The following CDR2 variants were observed in gnomAD, a reference collection of about 807,000 sequenced individuals.
The protein encoded by CDR2 is cerebellar degeneration related protein 2.
In CDR2, 34 loss-of-function variants were observed where a neutral mutation model predicts 48.4. That is an observed-to-expected ratio of 0.70 (90% CI 0.53 to 0.94). CDR2 has a LOEUF of 0.94. CDR2 is among the 40% of genes least tolerant of loss of function. CDR2 has a pLI of 0.00. For missense variants in CDR2, 498 were observed against 549.5 expected (o/e 0.91, Z 0.94); for synonymous variants, 240 against 219.7 (o/e 1.09, Z -0.82).
intron 2 of CDR2, among the ~76,000 whole-genome samples, chr16:22,351,624 T>C (rs532778024): frequency 1.3e-5 from 2 of 152,356 alleles, no homozygotes; most frequent in Admixed American, 1.3e-4. Flanking sequence ...TTAATATGCT[T>C]CAAAGACTCC....
chr16:22,360,572 C>T (rs972419262), intron 2 of CDR2, among the ~76,000 whole-genome samples: 1 of 151,932 alleles, frequency 6.6e-6, no homozygotes, highest in African/African-American at 2.4e-5. Context: ...TCTTAGGGAT[C>T]TTGTCCTAGT....
rs1163118540 is a variant in CDR2, at chr16:22,355,416, A to G, written c.193-5567T>C. On this transcript the variant is annotated intron_variant, in intron 2 of 4. Coordinates refer to ENST00000268383, the MANE Select transcript of CDR2 (RefSeq NM_001802.2). ...AGTTCTTAGCCTGGGGTCCATGGAT[A>G]GACTTTAGAGGGTCTGTGAACATGG... is the stretch of plus-strand genomic sequence containing the variant. 2.0e-5 allele frequency among the ~76,000 whole-genome samples: 3 copies of G among 152,246 alleles called. No homozygotes were observed. In the East Asian group the frequency reaches 5.8e-4, roughly 29 times the overall value.
At chr16:22,370,233 TTC>T (rs757032764) in intron 1 of CDR2, among the ~76,000 whole-genome samples, 13 of 152,226 alleles carry the variant, frequency 8.5e-5, no homozygotes, top group Non-Finnish European at 1.5e-4. Context: ...TTAGTGATGC[TTC>T]TGTTTAACTC....
chr16:22,372,751 G>GT (rs776740348), intron 1 of CDR2, among the ~76,000 whole-genome samples: 8 of 152,194 alleles, frequency 5.3e-5, no homozygotes, highest in Non-Finnish European at 1.2e-4. Flanking sequence ...CTCTGTAAGT[G>GT]TAATAAAGGT....
At chr16:22,351,753 G>A (rs1171721175) in intron 2 of CDR2, among the ~76,000 whole-genome samples, 2 of 152,086 alleles carry the variant, frequency 1.3e-5, no homozygotes, top group Non-Finnish European at 2.9e-5. Context: ...AGGATAAAGG[G>A]GAATAATCCC....
intron 2 of CDR2, among the ~76,000 whole-genome samples, chr16:22,353,540 C>T (rs1192577093): frequency 6.6e-6 from 1 of 152,170 alleles, no homozygotes; most frequent in African/African-American, 2.4e-5. Flanking sequence ...CTGCCTCCTC[C>T]CTCTCTACCA....
intron 2 of CDR2, among the ~76,000 whole-genome samples, chr16:22,363,045 C>T (rs1237125050): frequency 6.6e-6 from 1 of 151,816 alleles, no homozygotes; most frequent in Admixed American, 6.6e-5. Context: ...CTTCACCTCC[C>T]GGGTTCAAGT....
At chr16:22,371,185 T>C (rs1441955779) in intron 1 of CDR2, among the ~76,000 whole-genome samples, 1 of 150,588 alleles carries the variant, frequency 6.6e-6, no homozygotes, top group Admixed American at 6.7e-5. Flanking sequence ...CACTCCAGCC[T>C]GGGGACAGAG....
chr16:22,352,061 G>A (rs1283471885), intron 2 of CDR2, among the ~76,000 whole-genome samples: 1 of 152,194 alleles, frequency 6.6e-6, no homozygotes, highest in East Asian at 1.9e-4. Context: ...AGACCAGCCT[G>A]GCCAACATGA....
intron 1 of CDR2, among the ~76,000 whole-genome samples, chr16:22,367,784 A>C (rs1364385561): frequency 6.6e-6 from 1 of 152,268 alleles, no homozygotes; most frequent in Non-Finnish European, 1.5e-5. Context: ...AAAAAGCAGC[A>C]AAACCTACCA....
In CDR2 at chr16:22,374,344, C is replaced by T. The variant is rs2049103118; in HGVS notation, c.-35G>A. On this transcript the variant is annotated 5_prime_UTR_variant, in exon 1 of 5. Transcript: ENST00000268383. The stretch of plus-strand genomic sequence containing the variant: ...GTCTTCTAGGGGCAGCGGCCCCCGC[C>T]GCCGTCCCGCCTCAGCCGCTGCCCC... 1.4e-6 allele frequency: 2 copies of T among 1,456,908 alleles called. No individual in the cohort carries two copies. The highest frequency in any genetic ancestry group is 1.9e-6 in the Non-Finnish European group (2 of 1,054,778). 90.2% of individuals were successfully genotyped at this position (1,456,908 alleles called of 1,614,324 possible). A position where few individuals can be genotyped will look rare whatever the true frequency, so the allele number is the denominator to read the frequency against.
intron 2 of CDR2, among the ~76,000 whole-genome samples, chr16:22,363,595 G>C (rs558411835): frequency 6.6e-6 from 1 of 152,288 alleles, no homozygotes; most frequent in African/African-American, 2.4e-5. Context: ...CAAAGCTTTA[G>C]TAAGTACTCA....
chr16:22,371,829 G>A (rs1394006363), intron 1 of CDR2, among the ~76,000 whole-genome samples: 1 of 148,652 alleles, frequency 6.7e-6, no homozygotes, highest in Non-Finnish European at 1.5e-5. Flanking sequence ...AATGCAACTG[G>A]CAGTAAAGAG....
At position 22,374,406 on chromosome 16, in the gene CDR2, C is replaced by G; in HGVS notation, c.-97G>C. 1 of 655,234 alleles carries G rather than the reference C, an allele frequency of 1.5e-6. No individual in the cohort carries two copies. The highest frequency in any genetic ancestry group is 2.3e-6 in the Non-Finnish European group (1 of 434,560). 40.6% of individuals were successfully genotyped at this position (655,234 alleles called of 1,614,324 possible). A position where few individuals can be genotyped will look rare whatever the true frequency, so the allele number is the denominator to read the frequency against. On this transcript the variant is annotated 5_prime_UTR_variant, in exon 1 of 5. Transcript: ENST00000268383. ...CGGCCCCTCCGCCCTCAGCCAGAGC[C>G]GCCCTCGGGCGGGACGCGCCGCCGC... is the stretch of plus-strand genomic sequence containing the variant.
At chr16:22,351,482 A>G (rs1280957913) in intron 2 of CDR2, among the ~76,000 whole-genome samples, 1 of 152,220 alleles carries the variant, frequency 6.6e-6, no homozygotes, top group Non-Finnish European at 1.5e-5. Flanking sequence ...TCCCACCAAC[A>G]GTGTAAAACG....
chr16:22,369,287 GA>G (rs71312635), intron 1 of CDR2, among the ~76,000 whole-genome samples: 64 of 132,720 alleles, frequency 4.8e-4, no homozygotes, highest in Middle Eastern at 3.7e-3. Flanking sequence ...CTCTTAGCAG[GA>G]AAAAAAAAAA....
Position 22,346,799 on chromosome 16 carries a change from T to TA in CDR2, c.*165dup, listed in dbSNP as rs1341561261. 130 of 754,098 alleles carry TA rather than the reference T, an allele frequency of 1.7e-4. 1 individual carries two copies. The highest frequency in any genetic ancestry group is 1.3e-4 in the Non-Finnish European group (57 of 452,160). The allele number at this position is 754,098 out of a possible 1,614,324, so 46.7% of individuals were successfully genotyped here. Reference sequence around the variant, plus strand: ...AAATGGAAGTGGATCAGAGAACTGATACCACTAGCCACCTCCTTTCCTCGT... The same window carrying TA: ...AAATGGAAGTGGATCAGAGAACTGATAACCACTAGCCACCTCCTTTCCTCGT... On this transcript the variant is annotated 3_prime_UTR_variant, in exon 5 of 5. Transcript: ENST00000268383.
At chr16:22,370,083 T>C (rs182217457) in intron 1 of CDR2, among the ~76,000 whole-genome samples, 1 of 152,364 alleles carries the variant, frequency 6.6e-6, no homozygotes. Flanking sequence ...ATATTTTTAA[T>C]GGTGTAAACT....
chr16:22,363,702 G>A lies in CDR2; in HGVS notation c.192+1200C>T, dbSNP rs2049026137. On this transcript the variant is annotated intron_variant, in intron 2 of 4. Transcript: ENST00000268383. The stretch of plus-strand genomic sequence containing the variant: ...TACTGTACCAATTTAAGGGGGAGGA[G>A]CTTATAATTTAAGTACAGACCCTTT... 3.9e-5 allele frequency among the ~76,000 whole-genome samples: 6 copies of A among 152,306 alleles called. No individual in the cohort carries two copies. In the South Asian group the frequency reaches 1.2e-3, roughly 32 times the overall value.
Sources: gnomAD v4.1 joint callset for allele counts (sites outside exome capture counted in the v4.1 genomes callset) on GRCh38, gnomAD v4.1.1 for gene constraint, MANE v1.5 for transcripts, NCBI Gene and HGNC (gene_info 2026-07-23, HGNC 2026-07-21) for gene names.